SAMD3: variants seen among roughly 807,000 people sequenced by gnomAD.
SAMD3 encodes sterile alpha motif domain-containing protein 3.
In SAMD3, 63 loss-of-function variants were observed where a neutral mutation model predicts 58.5. That is an observed-to-expected ratio of 1.08 (90% CI 0.88 to 1.33). The LOEUF is 1.33. SAMD3 is among the 40% of genes most tolerant of loss of function. The pLI, the probability that SAMD3 is intolerant of heterozygous loss-of-function variation, is 0.00. For missense variants in SAMD3, 604 were observed against 608.4 expected (o/e 0.99, Z 0.08); for synonymous variants, 220 against 210.3 (o/e 1.05, Z -0.40).
chr6:130,323,922 T>C (rs1444358056), intron 1 of SAMD3, among the ~76,000 whole-genome samples: 12 of 151,716 alleles, frequency 7.9e-5, no homozygotes. Flanking sequence ...CTATGCAGCA[T>C]ATGCTCAATA....
At chr6:130,347,332 A>C (rs1777487694) in intron 1 of SAMD3, among the ~76,000 whole-genome samples, 1 of 152,250 alleles carries the variant, frequency 6.6e-6, no homozygotes. Context: ...ACCTTGAAAA[A>C]AAATTAGACA....
At chr6:130,153,666 T>TATATATATATATATATATG (rs58896049) in intron 9 of SAMD3, among the ~76,000 whole-genome samples, 1 of 91,158 alleles carries the variant, frequency 1.1e-5, no homozygotes, top group Non-Finnish European at 2.3e-5. Flanking sequence ...ATATATATAT[T>TATATATATATATATATATG]TATTTATTTA....
chr6:130,269,392 A>T (rs945711367), intron 2 of SAMD3, among the ~76,000 whole-genome samples: 2 of 152,088 alleles, frequency 1.3e-5, no homozygotes, highest in African/African-American at 4.8e-5. Flanking sequence ...AATTTCTTTC[A>T]TGGTTATGGG....
intron 8 of SAMD3, chr6:130,162,058 T>A (rs982052508): frequency 2.0e-6 from 1 of 496,498 alleles, no homozygotes; most frequent in Non-Finnish European, 3.6e-6. Context: ...TTGAGATGTG[T>A]GACTTTAGAG....
At chr6:130,361,719 T>C (rs917589921) in intron 1 of SAMD3, among the ~76,000 whole-genome samples, 2 of 152,248 alleles carry the variant, frequency 1.3e-5, no homozygotes, top group Non-Finnish European at 2.9e-5. Flanking sequence ...AATGTGGTTG[T>C]ACTGTTTTGA....
upstream of SAMD3, among the ~76,000 whole-genome samples, chr6:130,225,766 A>G (rs1386156116): frequency 1.3e-5 from 2 of 152,244 alleles, no homozygotes; most frequent in Non-Finnish European, 2.9e-5. Context: ...AAAGCTTAAG[A>G]TATGAGAAAA....
chr6:130,144,588 G>A lies in SAMD3; in HGVS notation c.1495C>T (p.His499Tyr). Residue 499 changes from histidine (H) to tyrosine (Y), a missense_variant, in exon 12 of 12, where the codon CAC becomes TAC. Transcript: ENST00000439090. ...NFLETLIFDM[H>Y]SPYFPSLKEK... ...TTCAAAGAAGGAAAATAAGGACTGT[G>A]CATATCGAAAATCAGCGTTTCTAGG... is the stretch of plus-strand genomic sequence containing the variant. The A allele has an allele frequency of 1.2e-6, 2 of 1,614,108 alleles. No individual in the cohort carries two copies. The highest frequency in any genetic ancestry group is 1.7e-6 in the Non-Finnish European group (2 of 1,179,988).
intron 5 of SAMD3, among the ~76,000 whole-genome samples, chr6:130,191,968 G>GC (rs1010604232): frequency 1.7e-4 from 26 of 152,092 alleles, no homozygotes; most frequent in African/African-American, 6.0e-4. Context: ...TTACTTTGTT[G>GC]CCCTCAGTTG....
chr6:130,252,941 C>T (rs1477900781), intron 2 of SAMD3, among the ~76,000 whole-genome samples: 1 of 152,162 alleles, frequency 6.6e-6, no homozygotes, highest in East Asian at 1.9e-4. Flanking sequence ...TTATTTTAGT[C>T]ATAATTTCCA....
At chr6:130,286,852 G>A (rs1775173956) in intron 2 of SAMD3, among the ~76,000 whole-genome samples, 1 of 152,068 alleles carries the variant, frequency 6.6e-6, no homozygotes, top group African/African-American at 2.4e-5. Flanking sequence ...GCTGACTAGA[G>A]GTGCACACAA....
chr6:130,229,203 G>T (rs541192779), intron 2 of SAMD3, among the ~76,000 whole-genome samples: 17 of 152,240 alleles, frequency 1.1e-4, no homozygotes, highest in Non-Finnish European at 2.2e-4. Context: ...TGGCCCAGAT[G>T]TAGTAGTGAG....
intron 2 of SAMD3, among the ~76,000 whole-genome samples, chr6:130,229,504 G>A (rs1472503423): frequency 1.3e-5 from 2 of 152,134 alleles, no homozygotes; most frequent in East Asian, 3.8e-4. Context: ...GAAGCTTCAT[G>A]TCTTGTGCTC....
intron 4 of SAMD3, among the ~76,000 whole-genome samples, chr6:130,211,499 G>T (rs551864129): frequency 2.0e-5 from 3 of 151,876 alleles, no homozygotes; most frequent in Admixed American, 2.0e-4. Flanking sequence ...GGTCAGGCTG[G>T]TCTCAAACTC....
At position 130,346,082 on chromosome 6, in the gene SAMD3, G is replaced by A. The variant is rs181665239; in HGVS notation, c.-304+19038C>T. 3.9e-5 allele frequency among the ~76,000 whole-genome samples: 6 copies of A among 152,332 alleles called. No individual in the cohort carries two copies. The South Asian group carries it at 1.0e-3, about 26-fold the overall frequency. Reference sequence around the variant, plus strand: ...AAAAACTTGATTAAAAATTAATATGGTTGGGAGGAGGAGCCAAGATGGCCA... The same window carrying A: ...AAAAACTTGATTAAAAATTAATATGATTGGGAGGAGGAGCCAAGATGGCCA... On this transcript the variant is annotated intron_variant, in intron 1 of 13. Transcript: ENST00000368134.
At chr6:130,295,327 C>T (rs1045584860) in intron 2 of SAMD3, among the ~76,000 whole-genome samples, 2 of 152,150 alleles carry the variant, frequency 1.3e-5, no homozygotes, top group African/African-American at 4.8e-5. Flanking sequence ...TATTGACTCA[C>T]ATCAAGGCAC....
chr6:130,286,485 G>A (rs575130154), intron 2 of SAMD3, among the ~76,000 whole-genome samples: 15 of 152,118 alleles, frequency 9.9e-5, no homozygotes, highest in Admixed American at 2.6e-4. Flanking sequence ...TATTGCCTCC[G>A]TTCCTTCATG....
intron 1 of SAMD3, among the ~76,000 whole-genome samples, chr6:130,318,820 T>G (rs939027965): frequency 5.3e-5 from 8 of 152,184 alleles, no homozygotes; most frequent in Non-Finnish European, 1.2e-4. Flanking sequence ...AGCCCAGAAA[T>G]TACATGGATA....
chr6:130,181,544 T>G (rs1467807037), intron 7 of SAMD3, among the ~76,000 whole-genome samples: 2 of 152,202 alleles, frequency 1.3e-5, no homozygotes, highest in Non-Finnish European at 2.9e-5. Flanking sequence ...TGAATGTCAC[T>G]GGGAACAGAT....
chr6:130,195,375 G>A (rs960472289), intron 5 of SAMD3, among the ~76,000 whole-genome samples: 17 of 152,064 alleles, frequency 1.1e-4, no homozygotes, highest in African/African-American at 3.6e-4. Flanking sequence ...GTTATCACTC[G>A]CCTGCTACAG....
Sources: gnomAD v4.1 joint callset for allele counts (sites outside exome capture counted in the v4.1 genomes callset) on GRCh38, gnomAD v4.1.1 for gene constraint, MANE v1.5 for transcripts, NCBI Gene and HGNC (gene_info 2026-07-23, HGNC 2026-07-21) for gene names.